The following IDI1 variants were observed in gnomAD, a reference collection of about 807,000 sequenced individuals.
The protein encoded by IDI1 is isopentenyl-diphosphate Delta-isomerase 1.
Under a neutral mutation model 32.9 loss-of-function variants are expected in IDI1, and 23 were observed. The ratio of observed to expected loss-of-function variants is 0.70; its 90% CI spans 0.50 to 0.99. IDI1 has a LOEUF of 0.99. IDI1 is among the 50% of genes least tolerant of loss of function. The pLI is 0.00. For missense variants in IDI1, 326 were observed against 351.9 expected, an observed-to-expected ratio of 0.93 and a Z score of 0.59; for synonymous variants, 133 against 128.2, an observed-to-expected ratio of 1.04 and a Z score of -0.25.
chr10:1,056,542 G>A, the IDI1 span: 1 of 152,200 alleles, frequency 6.6e-6, no homozygotes, highest in African/African-American at 2.4e-5. Flanking sequence ...CTACGGGGCA[G>A]ATGGACTCGG....
rs144559699 is a variant in IDI1 at position 1,041,602 on chromosome 10, C to G, written c.538-98G>C. 3.3e-4 allele frequency: 200 copies of G among 611,858 alleles called. No individual in the cohort carries two copies. In the African/African-American group the frequency reaches 3.3e-3, roughly 10 times the overall value. The allele number at this position is 611,858 out of a possible 1,614,324, so 37.9% of individuals were successfully genotyped here. ...TGTATTACAGCGATATCTCGAACAG[C>G]AGTATAGTTTTAGGATTAGAACTTG... is the stretch of plus-strand genomic sequence containing the variant. On this transcript the variant is annotated intron_variant, in intron 4 of 4. Transcript: ENST00000381344.
At chr10:1,043,741 T>C (rs1366525119) in intron 2 of IDI1, 35 of 660,674 alleles carry the variant, frequency 5.3e-5, no homozygotes, top group Non-Finnish European at 8.6e-5. Context: ...GCTGCTGCTG[T>C]ATGTCAGGGC....
In IDI1 at chr10:1,048,895, G is replaced by A. The variant is rs1832892499; in HGVS notation, c.109C>T (p.Pro37Ser). 1 of 1,606,944 alleles carries A rather than the reference G, an allele frequency of 6.2e-7. No individual in the cohort carries two copies. The highest frequency in any genetic ancestry group is 8.5e-7 in the Non-Finnish European group (1 of 1,177,930). Residue 37 changes from proline to serine, a missense_variant, in exon 1 of 5, where the codon CCG (proline) becomes TCG (serine). This residue lies in a region of IDI1 where 121 missense variants were observed against 78.4 expected (regional missense o/e 1.54). Coordinates refer to ENST00000381344, the MANE Select transcript of IDI1 (RefSeq NM_004508.4). ...DCAQSGRHPG[P>S]AVVCGRRLIS... ...AGCCTCCGGCCACAGACAACCGCCG[G>A]TCCCGGATGGCGCCCGCTTTGAGCA...
At chr10:1,054,124 C>A in the IDI1 span, among the ~76,000 whole-genome samples, 14,096 of 152,084 alleles carry the variant, frequency 0.093, 742 homozygotes, top group African/African-American at 0.14. Context: ...GGAAACATTC[C>A]AAGAATTACC....
At chr10:1,047,917 TC>T (rs1832844731) in intron 1 of IDI1, among the ~76,000 whole-genome samples, 1 of 152,248 alleles carries the variant, frequency 6.6e-6, no homozygotes, top group Admixed American at 6.5e-5. Context: ...GTTGGTTAAA[TC>T]CATGGATATG....
At chr10:1,056,703 C>G in the IDI1 span, 3 of 152,326 alleles carry the variant, frequency 2.0e-5, no homozygotes, top group Non-Finnish European at 4.4e-5. Context: ...GGGGCGGAAG[C>G]CGGGGCGTGA....
chr10:1,042,427 A>C, intron 4 of IDI1: 1 of 537,948 alleles, frequency 1.9e-6, no homozygotes, highest in East Asian at 3.7e-5. Context: ...AGATCAATCC[A>C]TCCCCGTATT....
Position 1,041,283 on chromosome 10 carries a change from C to A in IDI1, c.759G>T (p.Trp253Cys), listed in dbSNP as rs768373716. 19 of 1,613,308 alleles carry A rather than the reference C, an allele frequency of 1.2e-5. No homozygotes were observed. The highest frequency in any genetic ancestry group is 1.6e-5 in the Non-Finnish European group (19 of 1,179,370). The change falls in exon 5 of 5, where the codon TGG becomes TGT. Residue 253 changes from tryptophan (W) to cysteine (C), a missense_variant. Physicochemically the swap from Trp to Cys is radical, Grantham distance 215 (BLOSUM62 -2). This residue lies in a region of IDI1 where 205 missense variants were observed against 273.5 expected (regional missense o/e 0.75). Transcript: ENST00000381344. Reference protein sequence around the residue: ...AASGEIKITPWFKIIAATFLF... With the variant: ...AASGEIKITPCFKIIAATFLF... ...GAAAAGTCGCTGCAATAATTTTAAA[C>A]CATGGCGTTATCTTAATTTCACCAC...
intron 4 of IDI1, 43 bp from the exon 5 acceptor site, chr10:1,041,547 C>T (rs373928400): frequency 3.0e-5 from 34 of 1,150,456 alleles, no homozygotes; most frequent in South Asian, 4.6e-5. Flanking sequence ...CATCGGCCAC[C>T]GTAACAAAAA....
In IDI1 at chr10:1,042,635, T is replaced by C; in HGVS notation, c.534A>G (p.Glu178=). The part of the protein sequence containing the change: ...RLKAELGIPL[E]EVPPEEINYL... ...GTTGTGTAGGAGAGCTGGTTACCTC[T>C]TCCAAGGGAATTCCTAGCTCAGCTT... is the stretch of plus-strand genomic sequence containing the variant. Residue 178 remains glutamate, a synonymous_variant, in exon 4 of 5, where the codon GAA becomes GAG. Transcript: ENST00000381344. 6.2e-7 allele frequency: 1 copy of C among 1,613,954 alleles called. No homozygotes were observed. The highest frequency in any genetic ancestry group is 1.3e-5 in the African/African-American group (1 of 75,038).
chr10:1,045,993 T>C (rs903780944), intron 1 of IDI1, among the ~76,000 whole-genome samples: 1 of 151,776 alleles, frequency 6.6e-6, no homozygotes, highest in African/African-American at 2.4e-5. Flanking sequence ...AGAGGGAAAA[T>C]AATGTGAAAA....
chr10:1,050,573 T>C (rs965294567), upstream of IDI1, among the ~76,000 whole-genome samples: 1 of 152,224 alleles, frequency 6.6e-6, no homozygotes, highest in African/African-American at 2.4e-5. Flanking sequence ...TTAAGAAAGA[T>C]GAATAAAAAG....
rs1037659025 is a variant in IDI1, at chr10:1,040,885, T to C, written c.*302A>G. ...AGAGTTTCACTCATTTGTTCAAATT[T>C]CCCATAAGTATGTATCTGCAAAGAT... On this transcript the variant is annotated 3_prime_UTR_variant, in exon 5 of 5. Coordinates refer to ENST00000381344, the MANE Select transcript of IDI1 (RefSeq NM_004508.4). 8.8e-6 allele frequency: 2 copies of C among 228,350 alleles called. No individual in the cohort carries two copies. Among genetic ancestry groups the C allele is most frequent in the African/African-American group, 4.5e-5 (2 of 44,084 alleles). The allele number at this position is 228,350 out of a possible 1,614,324, so 14.1% of individuals were successfully genotyped here.
chr10:1,056,145 C>G, the IDI1 span, among the ~76,000 whole-genome samples: 1 of 151,954 alleles, frequency 6.6e-6, no homozygotes, highest in South Asian at 2.1e-4. Flanking sequence ...GGAATGTTAA[C>G]CTACACAGAA....
At chr10:1,045,141 CT>C (rs1289806473) in intron 1 of IDI1, among the ~76,000 whole-genome samples, 13 of 152,394 alleles carry the variant, frequency 8.5e-5, no homozygotes, top group Non-Finnish European at 1.5e-4. Flanking sequence ...CCATTCCTAC[CT>C]TAGTGCATCA....
rs1832722709 is a variant in IDI1 at position 1,044,109 on chromosome 10, T to A, written c.203A>T (p.Lys68Met). 1 of 1,613,798 alleles carries A rather than the reference T, an allele frequency of 6.2e-7. No individual in the cohort carries two copies. The highest frequency in any genetic ancestry group is 1.7e-5 in the Admixed American group (1 of 60,012). Residue 68 changes from lysine (K) to methionine (M), a missense_variant, in exon 2 of 5, where the codon AAG (lysine) becomes ATG (methionine). Coordinates refer to ENST00000381344, the MANE Select transcript of IDI1 (RefSeq NM_004508.4). ...CTCTGCCAGGAGTTGAACCTGTTGCTTGTCGAGGTGGTTAGTGTTTATTTC... is the reference window on the plus strand; with the variant it reads ...CTCTGCCAGGAGTTGAACCTGTTGCATGTCGAGGTGGTTAGTGTTTATTTC... ...MPEINTNHLD[K>M]QQVQLLAEMC...
intron 1 of IDI1, among the ~76,000 whole-genome samples, chr10:1,044,929 C>T (rs1016769490): frequency 1.3e-5 from 2 of 152,246 alleles, no homozygotes; most frequent in Non-Finnish European, 1.5e-5. Flanking sequence ...CTAAAATAGT[C>T]ACAGGCAATA....
the IDI1 span, among the ~76,000 whole-genome samples, chr10:1,054,970 G>C: frequency 6.6e-6 from 1 of 152,250 alleles, no homozygotes; most frequent in East Asian, 1.9e-4. Context: ...GGAATGCCTA[G>C]ACGCTGAGAT....
At chr10:1,041,849 A>G (rs1353881720) in intron 4 of IDI1, among the ~76,000 whole-genome samples, 1 of 147,164 alleles carries the variant, frequency 6.8e-6, no homozygotes, top group Non-Finnish European at 1.5e-5. Context: ...GCTGTCACCC[A>G]AGCTGGAGTG....
Sources: gnomAD v4.1 joint callset for allele counts (sites outside exome capture counted in the v4.1 genomes callset) on GRCh38, gnomAD v4.1.1 for gene constraint, gnomAD v4.1.1 regional missense constraint, MANE v1.5 for transcripts, NCBI Gene and HGNC (gene_info 2026-07-23, HGNC 2026-07-21) for gene names.